Variants in SHISAL1 observed in about 807,000 individuals in gnomAD.
SHISAL1 encodes the protein shisa like 1, also known as protein shisa-like-1.
Under a neutral mutation model 22.6 loss-of-function variants are expected in SHISAL1, and 9 were observed. That is an observed-to-expected ratio of 0.40 (90% CI 0.24 to 0.70). The LOEUF (loss-of-function observed/expected upper bound fraction) is 0.70, where lower values mean the gene tolerates loss of function less well. Ranked by LOEUF, SHISAL1 falls within the 30% of genes least tolerant of loss-of-function variation. SHISAL1 has a pLI of 0.39. For synonymous variants in SHISAL1, 119 were observed against 115.4 expected (o/e 1.03, Z -0.20); for missense variants, 246 against 270.6 (o/e 0.91, Z 0.64).
chr22:44,319,363 T>C, the SHISAL1 span, among the ~76,000 whole-genome samples: 1 of 152,214 alleles, frequency 6.6e-6, no homozygotes, highest in African/African-American at 2.4e-5. Flanking sequence ...CCCGAGCTGG[T>C]TGGGTTTCCA....
chr22:44,311,813 G>A (rs1002237077), intron 1 of SHISAL1, among the ~76,000 whole-genome samples: 1 of 152,200 alleles, frequency 6.6e-6, no homozygotes, highest in Non-Finnish European at 1.5e-5. Context: ...GGAGAGCTTG[G>A]CCGAGACAAT....
rs118080306 is a variant in SHISAL1, at chr22:44,309,998, G to A, written c.-33+2753C>T. Reference sequence around the variant, plus strand: ...TTTCCTCGCTGTGCTGGCCAGGACCGAGGCAGCCAGAGTGTATGGCTGGAG... The same window carrying A: ...TTTCCTCGCTGTGCTGGCCAGGACCAAGGCAGCCAGAGTGTATGGCTGGAG... On this transcript the variant is annotated intron_variant, in intron 1 of 4. Coordinates refer to ENST00000381176, the MANE Select transcript of SHISAL1 (RefSeq NM_001099294.2). Among the ~76,000 whole-genome samples the A allele has an allele frequency of 9.8e-5, 15 of 152,324 alleles. 1 individual carries two copies. In the East Asian group the frequency reaches 2.7e-3, roughly 27 times the overall value.
intron 4 of SHISAL1, among the ~76,000 whole-genome samples, chr22:44,273,942 GC>G (rs1390241306): frequency 1.3e-5 from 2 of 152,130 alleles, no homozygotes; most frequent in Admixed American, 1.3e-4. Context: ...AACAGACTGG[GC>G]GCGGTGGCTC....
intron 4 of SHISAL1, among the ~76,000 whole-genome samples, chr22:44,255,054 C>T (rs1441286757): frequency 6.6e-6 from 1 of 152,170 alleles, no homozygotes; most frequent in Non-Finnish European, 1.5e-5. Context: ...CCTGATCCTC[C>T]TCCTCCTCCC....
chr22:44,281,693 C>G (rs1261720764), intron 4 of SHISAL1, among the ~76,000 whole-genome samples: 3 of 152,174 alleles, frequency 2.0e-5, no homozygotes, highest in Non-Finnish European at 4.4e-5. Flanking sequence ...TGACTACTTT[C>G]AGGAGGAAAT....
chr22:44,287,058 C>T (rs1375427495), intron 3 of SHISAL1, among the ~76,000 whole-genome samples: 1 of 141,704 alleles, frequency 7.1e-6, no homozygotes, highest in East Asian at 1.9e-4. Context: ...TCCTTTAAGA[C>T]CCTGTTTGAG....
chr22:44,314,101 T>C (rs2055541838), upstream of SHISAL1, among the ~76,000 whole-genome samples: 1 of 150,984 alleles, frequency 6.6e-6, no homozygotes, highest in African/African-American at 2.4e-5. Flanking sequence ...ATGCGGAAAC[T>C]GAGGTACAGA....
chr22:44,330,530 G>A, the SHISAL1 span, among the ~76,000 whole-genome samples: 1 of 152,174 alleles, frequency 6.6e-6, no homozygotes, highest in Non-Finnish European at 1.5e-5. Context: ...CCCCAGGGGT[G>A]AGGCTGGGGC....
intron 1 of SHISAL1, among the ~76,000 whole-genome samples, chr22:44,301,297 G>A (rs114186291): frequency 8.3e-4 from 127 of 152,352 alleles, no homozygotes; most frequent in African/African-American, 3.1e-3. Context: ...CAGGAGTGAG[G>A]ATGCCCGGGC....
chr22:44,318,188 A>G, the SHISAL1 span, among the ~76,000 whole-genome samples: 3 of 152,274 alleles, frequency 2.0e-5, no homozygotes, highest in South Asian at 2.1e-4. Context: ...CCAGGCTTCA[A>G]GAGAAGGCCT....
intron 1 of SHISAL1, among the ~76,000 whole-genome samples, chr22:44,307,080 A>G (rs2055484767): frequency 6.6e-6 from 1 of 152,184 alleles, no homozygotes; most frequent in Non-Finnish European, 1.5e-5. Context: ...GGGCCCCACA[A>G]ATGAGGTCTG....
chr22:44,284,886 T>TCTGCCTGC (rs1314535093), intron 4 of SHISAL1, among the ~76,000 whole-genome samples: 10 of 41,954 alleles, frequency 2.4e-4, no homozygotes, highest in African/African-American at 7.2e-4. Context: ...ATGCCACCTC[T>TCTGCCTGC]CTGCCTTCCT....
intron 3 of SHISAL1, among the ~76,000 whole-genome samples, chr22:44,294,063 C>T (rs572315534): frequency 2.0e-5 from 3 of 152,318 alleles, no homozygotes; most frequent in South Asian, 4.1e-4. Context: ...CCTTGTCTGG[C>T]GTTCAGCCAG....
At chr22:44,293,159 C>T (rs989507222) in intron 3 of SHISAL1, among the ~76,000 whole-genome samples, 2 of 152,180 alleles carry the variant, frequency 1.3e-5, no homozygotes, top group African/African-American at 4.8e-5. Flanking sequence ...TTCTTAAACG[C>T]TGTCAGATCT....
rs373012955 is a variant in SHISAL1, at chr22:44,244,937, C to A, written c.*4748G>T. ...AGCACCAGCGTGGGACGTGTTGGTG[C>A]TACAGCAAGGAACTAGGGCACTGTG... On this transcript the variant is annotated 3_prime_UTR_variant, in exon 5 of 5. Coordinates refer to ENST00000381176, the MANE Select transcript of SHISAL1 (RefSeq NM_001099294.2). 540 of 152,376 alleles carry A rather than the reference C, an allele frequency of 3.5e-3. 3 individuals carry two copies. Among genetic ancestry groups the A allele is most frequent in the South Asian group, 7.9e-3 (38 of 4,826 alleles). The allele number at this position is 152,376 out of a possible 1,614,324, so 9.4% of individuals were successfully genotyped here.
intron 1 of SHISAL1, among the ~76,000 whole-genome samples, chr22:44,302,319 G>A (rs1466668275): frequency 7.9e-5 from 11 of 139,672 alleles, no homozygotes; most frequent in African/African-American, 2.5e-4. Flanking sequence ...CAGCCTGGGC[G>A]ACAGAGCGAG....
At chr22:44,330,644 G>A in the SHISAL1 span, among the ~76,000 whole-genome samples, 2 of 151,024 alleles carry the variant, frequency 1.3e-5, no homozygotes, top group Non-Finnish European at 3.0e-5. Flanking sequence ...GCGCCAGGAC[G>A]CGCTGGCTTT....
intron 4 of SHISAL1, among the ~76,000 whole-genome samples, chr22:44,263,063 A>ATT (rs912378051): frequency 2.7e-5 from 2 of 73,724 alleles, no homozygotes; most frequent in Admixed American, 2.6e-4. Context: ...GCCTTCACGT[A>ATT]TTTTTTTCTT....
chr22:44,244,161 T>C lies in SHISAL1; in HGVS notation c.*5524A>G, dbSNP rs1400207174. 3 of 152,120 alleles carry C rather than the reference T, an allele frequency of 2.0e-5. No individual in the cohort carries two copies. Among genetic ancestry groups the C allele is most frequent in the African/African-American group, 7.2e-5 (3 of 41,414 alleles). The allele number at this position is 152,120 out of a possible 1,614,324, so 9.4% of individuals were successfully genotyped here. A position where few individuals can be genotyped will look rare whatever the true frequency, so the allele number is the denominator to read the frequency against. ...CTGACATGCAATTCCAAGAAGAGGC[T>C]CTCTCTTGGGCCACCAGCTTGGTTC... On this transcript the variant is annotated 3_prime_UTR_variant, in exon 5 of 5. Transcript: ENST00000381176.
Sources: allele counts gnomAD v4.1 joint callset (sites outside exome capture counted in the v4.1 genomes callset), GRCh38; gene constraint gnomAD v4.1.1; transcripts MANE v1.5; gene names NCBI Gene and HGNC (gene_info 2026-07-23, HGNC 2026-07-21).